Variants in CDH18 observed in about 807,000 individuals in gnomAD.
CDH18 encodes the protein cadherin-18.
CDH18 carries 31 observed loss-of-function variants against 67.9 expected under a neutral mutation model. The ratio of observed to expected loss-of-function variants is 0.46; its 90% CI spans 0.34 to 0.62. The LOEUF (loss-of-function observed/expected upper bound fraction) is 0.62. Among genes scored for constraint, CDH18 ranks in the 20% least tolerant of loss-of-function variants. CDH18 has a pLI of 0.01. For missense variants in CDH18, 890 were observed against 975.5 expected (o/e 0.91, Z 1.17); for synonymous variants, 362 against 347.2 (o/e 1.04, Z -0.48).
chr5:19,669,192 T>C (rs1197448070), intron 5 of CDH18, among the ~76,000 whole-genome samples: 1 of 146,850 alleles, frequency 6.8e-6, no homozygotes, highest in Non-Finnish European at 1.5e-5. Context: ...CAATATAATA[T>C]AATATATGAT....
At chr5:20,158,659 C>A in intron 2 of CDH18, 1 of 167,904 alleles carries the variant, frequency 6.0e-6, no homozygotes. Flanking sequence ...AAAACTGCCT[C>A]ACTCATGCAG....
intron 2 of CDH18, among the ~76,000 whole-genome samples, chr5:20,209,758 A>G (rs1740203942): frequency 6.6e-6 from 1 of 151,848 alleles, no homozygotes; most frequent in Non-Finnish European, 1.5e-5. Flanking sequence ...AATAACGTAA[A>G]TGTTCCTATC....
chr5:19,897,519 A>G (rs961033168), intron 2 of CDH18, among the ~76,000 whole-genome samples: 8 of 152,148 alleles, frequency 5.3e-5, no homozygotes, highest in Non-Finnish European at 1.0e-4. Flanking sequence ...ACTCAGCAAT[A>G]TCTACTAAAA....
intron 2 of CDH18, among the ~76,000 whole-genome samples, chr5:20,191,801 T>C (rs1738562586): frequency 1.3e-5 from 2 of 152,198 alleles, no homozygotes; most frequent in Non-Finnish European, 2.9e-5. Flanking sequence ...CTATTATAAA[T>C]AGTGGCACTA....
intron 2 of CDH18, among the ~76,000 whole-genome samples, chr5:19,910,823 G>T (rs1791057741): frequency 6.6e-6 from 1 of 152,046 alleles, no homozygotes; most frequent in African/African-American, 2.4e-5. Flanking sequence ...GTAAAGACAT[G>T]AATCCAATAA....
At chr5:20,092,784 C>A (rs946018604) in intron 2 of CDH18, among the ~76,000 whole-genome samples, 9 of 151,966 alleles carry the variant, frequency 5.9e-5, no homozygotes, top group Non-Finnish European at 1.3e-4. Context: ...TTTTTAATAT[C>A]TTAGAACCCA....
At chr5:20,298,595 T>C (rs369617905) in intron 1 of CDH18, among the ~76,000 whole-genome samples, 2 of 152,190 alleles carry the variant, frequency 1.3e-5, no homozygotes, top group African/African-American at 2.4e-5. Flanking sequence ...ATAGGGTTAA[T>C]ATCCTTGGAA....
chr5:20,098,594 G>A (rs1704091215), intron 2 of CDH18, among the ~76,000 whole-genome samples: 2 of 151,942 alleles, frequency 1.3e-5, no homozygotes, highest in African/African-American at 2.4e-5. Flanking sequence ...AAATATCCAT[G>A]AGAAATTATA....
chr5:20,445,969 G>A (rs1462367687), intron 1 of CDH18, among the ~76,000 whole-genome samples: 1 of 152,070 alleles, frequency 6.6e-6, no homozygotes, highest in Middle Eastern at 3.2e-3. Flanking sequence ...GGTGGGGGGA[G>A]TTGAGGTTTG....
chr5:19,673,413 A>T (rs1328106871), intron 5 of CDH18, among the ~76,000 whole-genome samples: 1 of 152,042 alleles, frequency 6.6e-6, no homozygotes, highest in African/African-American at 2.4e-5. Context: ...ATAGTTCTAG[A>T]CTATATCCAG....
At chr5:19,906,424 T>C (rs1230228558) in intron 2 of CDH18, among the ~76,000 whole-genome samples, 1 of 152,000 alleles carries the variant, frequency 6.6e-6, no homozygotes, top group Non-Finnish European at 1.5e-5. Context: ...TATCTATTTT[T>C]ATGTCACCTA....
chr5:19,699,636 G>GTGTC (rs374173308), intron 5 of CDH18, among the ~76,000 whole-genome samples: 4,078 of 147,512 alleles, frequency 0.028, 222 homozygotes, highest in African/African-American at 0.082. Context: ...GTGTGTGTGT[G>GTGTC]TGTGTCTGTG....
chr5:19,884,171 C>T (rs1302993496), intron 2 of CDH18, among the ~76,000 whole-genome samples: 1 of 152,018 alleles, frequency 6.6e-6, no homozygotes, highest in Non-Finnish European at 1.5e-5. Flanking sequence ...AGTTAGAGCC[C>T]CATGTTCTAC....
intron 2 of CDH18, among the ~76,000 whole-genome samples, chr5:20,005,731 G>A (rs1043794777): frequency 3.3e-5 from 5 of 151,894 alleles, no homozygotes; most frequent in African/African-American, 1.2e-4. Context: ...ATACTGGTAA[G>A]AATATAGATT....
intron 1 of CDH18, among the ~76,000 whole-genome samples, chr5:20,336,250 C>T (rs781634487): frequency 4.6e-5 from 7 of 152,024 alleles, no homozygotes; most frequent in Admixed American, 2.6e-4. Context: ...TTTCCCCCAA[C>T]AGCAGTTAGG....
At chr5:20,560,753 C>A (rs1325297786) in intron 1 of CDH18, among the ~76,000 whole-genome samples, 1 of 151,930 alleles carries the variant, frequency 6.6e-6, no homozygotes, top group African/African-American at 2.4e-5. Flanking sequence ...AGGTACATAA[C>A]AAATGTTTGT....
chr5:20,417,626 G>C (rs1747424790), intron 1 of CDH18, among the ~76,000 whole-genome samples: 1 of 152,104 alleles, frequency 6.6e-6, no homozygotes, highest in Admixed American at 6.5e-5. Context: ...TCATTTATTT[G>C]GTCCTATGAA....
intron 2 of CDH18, among the ~76,000 whole-genome samples, chr5:19,911,774 A>G (rs1791169801): frequency 6.6e-6 from 1 of 152,200 alleles, no homozygotes; most frequent in Non-Finnish European, 1.5e-5. Context: ...GTATTTTGTT[A>G]TAGTAGTTCA....
intron 2 of CDH18, among the ~76,000 whole-genome samples, chr5:20,008,548 C>T (rs1365159660): frequency 6.6e-6 from 1 of 152,084 alleles, no homozygotes; most frequent in African/African-American, 2.4e-5. Flanking sequence ...CATTCAAATA[C>T]AGTACAGAAC....
Sources: gnomAD v4.1 joint callset for allele counts (sites outside exome capture counted in the v4.1 genomes callset) on GRCh38, gnomAD v4.1.1 for gene constraint, MANE v1.5 for transcripts, NCBI Gene and HGNC (gene_info 2026-07-23, HGNC 2026-07-21) for gene names.